The following SEC63 variants were observed in gnomAD, a reference collection of about 807,000 sequenced individuals.
SEC63 encodes SEC63 protein translocation regulator, also known as translocation protein SEC63 homolog.
SEC63 carries 56 observed loss-of-function variants against 116.2 expected under a neutral mutation model. That is an observed-to-expected ratio of 0.48 (90% CI 0.39 to 0.60). SEC63 has a LOEUF of 0.60. Ranked by LOEUF, SEC63 falls within the 20% of genes least tolerant of loss-of-function variation. SEC63 has a pLI of 0.00. For missense variants in SEC63, 668 were observed against 900.0 expected (o/e 0.74, Z 3.30); for synonymous variants, 273 against 294.6 (o/e 0.93, Z 0.75).
chr6:107,893,671 C>A lies in SEC63; in HGVS notation c.1501-16G>T. 1.2e-6 allele frequency: 2 copies of A among 1,613,580 alleles called. No homozygotes were observed. Among genetic ancestry groups the A allele is most frequent in the Non-Finnish European group, 1.7e-6 (2 of 1,179,732 alleles). ...TTTCACCCTGCTGTGAATCATAACA[C>A]GTCACACTCTTAAGTTATAGCAACA... is the stretch of plus-strand genomic sequence containing the variant. On this transcript the variant is annotated splice_polypyrimidine_tract_variant and intron_variant, in intron 15 of 20. Transcript: ENST00000369002.
chr6:107,897,715 A>G lies in SEC63; in HGVS notation c.1374T>C (p.Asp458=), dbSNP rs1275266622. 6.2e-7 allele frequency: 1 copy of G among 1,606,252 alleles called. No individual in the cohort carries two copies. Among genetic ancestry groups the G allele is most frequent in the Non-Finnish European group, 8.5e-7 (1 of 1,173,114 alleles). ...DIKSQVLDDE[D]SNNITVGSLV... ...AGGATCCTACTGTGATGTTGTTGCT[A>G]TCTTCATCATCTAACACTGTTAAGA... Residue 458 remains aspartate, a synonymous_variant, in exon 14 of 21, where the codon GAT becomes GAC. Transcript: ENST00000369002.
At chr6:107,949,046 ATTTTTC>A (rs1562342042) in intron 1 of SEC63, among the ~76,000 whole-genome samples, 2 of 152,154 alleles carry the variant, frequency 1.3e-5, no homozygotes, top group African/African-American at 4.8e-5. Context: ...GTCTGAGTTG[ATTTTTC>A]AGCCAATCTT....
chr6:107,909,328 G>A (rs576566755), intron 7 of SEC63, among the ~76,000 whole-genome samples: 2 of 148,938 alleles, frequency 1.3e-5, no homozygotes, highest in African/African-American at 5.0e-5. Flanking sequence ...CAGTAGCCAT[G>A]ATCATACTAC....
chr6:107,910,390 C>T (rs1055439912), intron 7 of SEC63, among the ~76,000 whole-genome samples: 2 of 152,180 alleles, frequency 1.3e-5, no homozygotes, highest in East Asian at 3.9e-4. Context: ...TTTGCTTGAA[C>T]CCAGGAGGTA....
At chr6:107,935,228 C>T (rs1270911199) in intron 1 of SEC63, among the ~76,000 whole-genome samples, 2 of 151,744 alleles carry the variant, frequency 1.3e-5, no homozygotes, top group African/African-American at 2.4e-5. Flanking sequence ...CGCCTCTGCC[C>T]GGCCGCCCCT....
rs1174090197 is a variant in SEC63 at position 107,872,850 on chromosome 6, T to G, written c.2097A>C (p.Arg699Ser). The change falls in exon 20 of 21, where the codon AGA becomes AGC. Residue 699 changes from arginine (R) to serine (S), a missense_variant. Transcript: ENST00000369002. ...PGNYQYTVFL[R>S]SDSYMGLDQI... is the part of the protein sequence containing the mutation. ...GATCCAAACCCATATAGGAGTCTGA[T>G]CTCAGAAACACAGTATACTGATAAT... is the stretch of plus-strand genomic sequence containing the variant. 3.2e-6 allele frequency: 5 copies of G among 1,555,290 alleles called. No individual in the cohort carries two copies.
At chr6:107,895,555 AAT>A (rs1408497557) in intron 14 of SEC63, among the ~76,000 whole-genome samples, 2 of 152,010 alleles carry the variant, frequency 1.3e-5, no homozygotes, top group Admixed American at 1.3e-4. Context: ...CTAAGAAAAA[AAT>A]ATATATATGT....
chr6:107,881,072 G>C, intron 18 of SEC63, 77 bp downstream of exon 18: 1 of 1,020,632 alleles, frequency 9.8e-7, no homozygotes. Flanking sequence ...ACACGACAGA[G>C]GGCTAAAAGT....
chr6:107,925,295 ATTACACT>A (rs960781922), intron 2 of SEC63, among the ~76,000 whole-genome samples: 71 of 152,354 alleles, frequency 4.7e-4, no homozygotes, highest in African/African-American at 1.7e-3. Flanking sequence ...TGACCCAGCA[ATTACACT>A]TTTATTAAGA....
intron 1 of SEC63, among the ~76,000 whole-genome samples, chr6:107,941,310 G>A (rs139442005): frequency 1.0e-3 from 154 of 151,988 alleles, no homozygotes; most frequent in African/African-American, 3.2e-3. Context: ...AAAATTAGCC[G>A]GGTGTGGTGG....
At chr6:107,895,902 T>C (rs562026167) in intron 14 of SEC63, among the ~76,000 whole-genome samples, 2 of 147,148 alleles carry the variant, frequency 1.4e-5, no homozygotes, top group Non-Finnish European at 3.0e-5. Flanking sequence ...TGGTGGCTCA[T>C]GCCTGTAATC....
In SEC63 at chr6:107,881,118, T is replaced by C. The variant is rs1484995875; in HGVS notation, c.1935+31A>G. The C allele has an allele frequency of 1.8e-5, 26 of 1,431,338 alleles. 1 individual carries two copies. In the Admixed American group the frequency reaches 2.7e-4, roughly 15 times the overall value. The allele number at this position is 1,431,338 out of a possible 1,614,324, so 88.7% of individuals were successfully genotyped here. On this transcript the variant is annotated intron_variant, in intron 18 of 20. Coordinates refer to ENST00000369002, the MANE Select transcript of SEC63 (RefSeq NM_007214.5). ...ATCCCTGAGGAGAAAGTGAATGGAA[T>C]AAGGAACACAGTAGCCTGTATATAA...
intron 2 of SEC63, among the ~76,000 whole-genome samples, chr6:107,928,703 T>A (rs1787731942): frequency 6.6e-6 from 1 of 152,198 alleles, no homozygotes. Context: ...AGTAGTCCAA[T>A]AATGGTAACT....
At chr6:107,899,723 AAAAAGAAAAG>A (rs1158500897) in intron 13 of SEC63, among the ~76,000 whole-genome samples, 153 of 151,862 alleles carry the variant, frequency 1.0e-3, no homozygotes, top group African/African-American at 3.4e-3. Flanking sequence ...TCTCAAAAAA[AAAAAGAAAAG>A]AAAAGAAAAG....
intron 14 of SEC63, among the ~76,000 whole-genome samples, chr6:107,896,998 A>C (rs1314065839): frequency 1.3e-5 from 2 of 151,126 alleles, no homozygotes; most frequent in African/African-American, 4.9e-5. Flanking sequence ...AAAAAAAAGA[A>C]GGAAGGGAGG....
intron 1 of SEC63, among the ~76,000 whole-genome samples, chr6:107,934,528 G>A (rs34885964): frequency 1.5e-5 from 2 of 133,842 alleles, no homozygotes; most frequent in Non-Finnish European, 3.2e-5. Context: ...CAGCCGCCCC[G>A]TCTGAGAAGT....
chr6:107,877,538 G>A (rs1327925660), intron 18 of SEC63: 1 of 152,060 alleles, frequency 6.6e-6, no homozygotes, highest in Non-Finnish European at 1.5e-5. Context: ...CTGCCTCTGG[G>A]GCTCAAGTGA....
chr6:107,953,057 C>T (rs557445113), intron 1 of SEC63, among the ~76,000 whole-genome samples: 49 of 151,878 alleles, frequency 3.2e-4, no homozygotes, highest in Non-Finnish European at 5.9e-4. Flanking sequence ...GTCAGAAGTT[C>T]GAGACCAGCC....
intron 17 of SEC63, among the ~76,000 whole-genome samples, chr6:107,882,525 A>G (rs1349569527): frequency 6.6e-6 from 1 of 152,196 alleles, no homozygotes; most frequent in Non-Finnish European, 1.5e-5. Context: ...GTGGTATTCT[A>G]TAAATGTTAG....
Sources: gnomAD v4.1 joint callset for allele counts (sites outside exome capture counted in the v4.1 genomes callset) on GRCh38, gnomAD v4.1.1 for gene constraint, MANE v1.5 for transcripts, NCBI Gene and HGNC (gene_info 2026-07-23, HGNC 2026-07-21) for gene names.